CNTN6: variants seen among roughly 807,000 people sequenced by gnomAD.
CNTN6 encodes contactin 6, also known as contactin-6.
In CNTN6, 137 loss-of-function variants were observed where a neutral mutation model predicts 122.8. The observed-to-expected ratio is 1.12, with a 90% CI of 0.97 to 1.29. The LOEUF (loss-of-function observed/expected upper bound fraction) is 1.29, where lower values mean the gene tolerates loss of function less well. Ranked by LOEUF, CNTN6 falls within the 50% of genes most tolerant of loss-of-function variation. The probability of loss-of-function intolerance (pLI) is 0.00; values close to 1 mark genes in which losing one functional copy is unlikely to be tolerated. For synonymous variants in CNTN6, 570 were observed against 426.0 expected, an observed-to-expected ratio of 1.34 and a Z score of -4.16; for missense variants, 1,634 against 1,223.4, an observed-to-expected ratio of 1.34 and a Z score of -5.01.
chr3:1,321,615 A>G, intron 7 of CNTN6, 35 bp from the exon 8 acceptor site: 1 of 1,534,940 alleles, frequency 6.5e-7, no homozygotes, highest in South Asian at 1.2e-5. Context: ...TAAAGATTAA[A>G]CCGTCTTCTA....
chr3:1,382,893 A>G (rs1396321294), intron 17 of CNTN6, 49 bp from the exon 18 acceptor site: 4 of 1,199,636 alleles, frequency 3.3e-6, no homozygotes, highest in Non-Finnish European at 4.9e-6. Context: ...ATAGTAGCTT[A>G]ATAAAATATT....
At chr3:1,136,433 G>A (rs2092475205) in intron 1 of CNTN6, among the ~76,000 whole-genome samples, 1 of 152,152 alleles carries the variant, frequency 6.6e-6, no homozygotes, top group African/African-American at 2.4e-5. Flanking sequence ...TGGAAGTTTG[G>A]GAAACAGTGC....
chr3:1,382,848 T>C, intron 17 of CNTN6, 94 bp from the exon 18 acceptor site: 1 of 825,992 alleles, frequency 1.2e-6, no homozygotes, highest in Non-Finnish European at 1.9e-6. Context: ...CATATTTGTC[T>C]CTATGGAAGA....
chr3:1,403,390 A>G lies in CNTN6; in HGVS notation c.3059A>G (p.His1020Arg). 11 of 1,610,630 alleles carry G rather than the reference A, an allele frequency of 6.8e-6. No homozygotes were observed. Among genetic ancestry groups the G allele is most frequent in the Non-Finnish European group, 9.3e-6 (11 of 1,177,936 alleles). The change falls in exon 23 of 23, where the codon CAC becomes CGC. Residue 1020 changes from histidine to arginine, a missense_variant. Transcript: ENST00000446702. Reference protein sequence around the residue: ...HFLSIVIVIFHCFAIQPLI With the variant: ...HFLSIVIVIFRCFAIQPLI ...CTTTCCATTGTCATTGTGATTTTTC[A>G]CTGTTTTGCTATTCAGCCACTTATC... is the stretch of plus-strand genomic sequence containing the variant.
At chr3:1,206,232 C>T (rs1311010891) in intron 2 of CNTN6, among the ~76,000 whole-genome samples, 1 of 152,132 alleles carries the variant, frequency 6.6e-6, no homozygotes. Context: ...CCTCTTAAAC[C>T]TCCCATACTT....
intron 4 of CNTN6, among the ~76,000 whole-genome samples, chr3:1,275,756 A>T (rs781106091): frequency 6.6e-6 from 1 of 152,158 alleles, no homozygotes; most frequent in South Asian, 2.1e-4. Flanking sequence ...CGCGGTTCAC[A>T]ATAGGGTTTG....
At chr3:1,285,747 C>T (rs1439387487) in intron 5 of CNTN6, among the ~76,000 whole-genome samples, 2 of 152,192 alleles carry the variant, frequency 1.3e-5, no homozygotes, top group Middle Eastern at 3.2e-3. Context: ...CCTGTCTAAA[C>T]ATCAGTGCAT....
At chr3:1,271,326 C>T (rs1213560987) in intron 4 of CNTN6, among the ~76,000 whole-genome samples, 1 of 152,186 alleles carries the variant, frequency 6.6e-6, no homozygotes, top group African/African-American at 2.4e-5. Flanking sequence ...TTTCCTCCTG[C>T]TCCTGAAAGA....
chr3:1,291,527 A>C (rs980810315), intron 5 of CNTN6, among the ~76,000 whole-genome samples: 1 of 152,188 alleles, frequency 6.6e-6, no homozygotes, highest in Admixed American at 6.5e-5. Flanking sequence ...TCTCTCCACA[A>C]ATAGGCATTG....
intron 1 of CNTN6, among the ~76,000 whole-genome samples, chr3:1,104,992 C>T (rs2091148908): frequency 6.6e-6 from 1 of 151,886 alleles, no homozygotes; most frequent in African/African-American, 2.4e-5. Context: ...ATCCTTGTAC[C>T]TGAATCTTTT....
At chr3:1,154,355 T>A (rs2092913067) in intron 2 of CNTN6, among the ~76,000 whole-genome samples, 2 of 152,122 alleles carry the variant, frequency 1.3e-5, no homozygotes, top group Admixed American at 1.3e-4. Flanking sequence ...TAACACCAGG[T>A]CATATTTTCA....
intron 3 of CNTN6, among the ~76,000 whole-genome samples, chr3:1,224,842 C>G (rs941149132): frequency 2.0e-5 from 3 of 152,106 alleles, no homozygotes; most frequent in Admixed American, 6.6e-5. Context: ...GTCTCCCAGA[C>G]TCAAGCAATT....
intron 20 of CNTN6, among the ~76,000 whole-genome samples, chr3:1,387,610 C>T (rs1052564239): frequency 2.0e-5 from 3 of 152,066 alleles, no homozygotes; most frequent in African/African-American, 7.2e-5. Context: ...TCTACAGCTC[C>T]CAGTGAAGAC....
intron 20 of CNTN6, among the ~76,000 whole-genome samples, chr3:1,387,587 G>A (rs1371458091): frequency 6.6e-6 from 1 of 152,050 alleles, no homozygotes; most frequent in Non-Finnish European, 1.5e-5. Flanking sequence ...TGGCCGAATA[G>A]GAACAGCTCC....
intron 7 of CNTN6, among the ~76,000 whole-genome samples, chr3:1,316,303 G>A (rs917398305): frequency 6.6e-6 from 1 of 151,868 alleles, no homozygotes; most frequent in African/African-American, 2.4e-5. Context: ...TGTACAGGAA[G>A]CATAACAGCT....
chr3:1,102,589 C>CACG (rs2090970526), intron 1 of CNTN6, among the ~76,000 whole-genome samples: 1 of 145,240 alleles, frequency 6.9e-6, no homozygotes, highest in Non-Finnish European at 1.5e-5. Flanking sequence ...ATGAGCCGGG[C>CACG]GTGGTGGCGG....
At chr3:1,162,249 A>G (rs1380525969) in intron 2 of CNTN6, among the ~76,000 whole-genome samples, 5 of 151,854 alleles carry the variant, frequency 3.3e-5, no homozygotes, top group African/African-American at 4.8e-5. Flanking sequence ...CCTGGAAACA[A>G]TAATGATTTC....
chr3:1,286,279 T>C (rs1051496483), intron 5 of CNTN6, among the ~76,000 whole-genome samples: 11 of 152,142 alleles, frequency 7.2e-5, no homozygotes, highest in Non-Finnish European at 1.5e-4. Context: ...ACACGTGCCA[T>C]GGTGGTTTGC....
At position 1,241,361 on chromosome 3, in the gene CNTN6, G is replaced by A. The variant is rs1049599273; in HGVS notation, c.358+13368G>A. On this transcript the variant is annotated intron_variant, in intron 4 of 22. Transcript: ENST00000446702. ...GATGTTTCTCAGGGCTGCTTCAAGC[G>A]GGATTAGGGGCAGTGTGGGAACCTA... Among the ~76,000 whole-genome samples the A allele has an allele frequency of 8.6e-5, 13 of 151,990 alleles. 1 individual carries two copies. Among genetic ancestry groups the A allele is most frequent in the African/African-American group, 2.9e-4 (12 of 41,308 alleles).
Sources: allele counts gnomAD v4.1 joint callset (sites outside exome capture counted in the v4.1 genomes callset), GRCh38; gene constraint gnomAD v4.1.1; transcripts MANE v1.5; gene names NCBI Gene and HGNC (gene_info 2026-07-23, HGNC 2026-07-21).